Variants in IMPA2 observed in about 807,000 individuals in gnomAD.
IMPA2 encodes the protein IMP 2.
A neutral mutation model predicts 35.1 loss-of-function variants in IMPA2; 32 were observed. The ratio of observed to expected loss-of-function variants is 0.91; its 90% CI spans 0.69 to 1.23. The LOEUF is 1.23. Among genes scored for constraint, IMPA2 ranks in the 50% most tolerant of loss-of-function variants. The probability of loss-of-function intolerance (pLI) is 0.00; values close to 1 mark genes in which losing one functional copy is unlikely to be tolerated. For missense variants in IMPA2, 334 were observed against 387.6 expected, an observed-to-expected ratio of 0.86 and a Z score of 1.16; for synonymous variants, 135 against 160.6, an observed-to-expected ratio of 0.84 and a Z score of 1.20.
intron 7 of IMPA2, among the ~76,000 whole-genome samples, chr18:12,030,123 C>G (rs1908004781): frequency 6.6e-6 from 1 of 152,216 alleles, no homozygotes; most frequent in African/African-American, 2.4e-5. Flanking sequence ...TTCTGTGCAG[C>G]CCTTGACTGC....
intron 5 of IMPA2, among the ~76,000 whole-genome samples, chr18:12,026,836 G>A (rs181148358): frequency 4.6e-5 from 7 of 152,366 alleles, no homozygotes; most frequent in Admixed American, 4.6e-4. Context: ...CAGGGCAGGA[G>A]TGCCCTCATA....
chr18:12,014,152 G>GT (rs1199240068), intron 4 of IMPA2, 113 bp from the exon 5 acceptor site: 7 of 758,276 alleles, frequency 9.2e-6, no homozygotes, highest in South Asian at 7.4e-5. Flanking sequence ...CTGTCACAGT[G>GT]TAATGTGTTA....
chr18:12,024,662 TC>T (rs1355300292), intron 5 of IMPA2, among the ~76,000 whole-genome samples: 1 of 152,036 alleles, frequency 6.6e-6, no homozygotes, highest in East Asian at 1.9e-4. Flanking sequence ...ATGCAAGCCA[TC>T]CCATTTTTTT....
chr18:11,996,913 T>C (rs534351776), intron 1 of IMPA2, among the ~76,000 whole-genome samples: 2 of 143,750 alleles, frequency 1.4e-5, no homozygotes, highest in South Asian at 4.5e-4. Context: ...GAGACACACA[T>C]ACCCTGCATC....
At chr18:12,009,345 C>T (rs1907368163) in intron 2 of IMPA2, among the ~76,000 whole-genome samples, 1 of 152,098 alleles carries the variant, frequency 6.6e-6, no homozygotes, top group African/African-American at 2.4e-5. Context: ...GGGAAATGAA[C>T]CAGCTGCGGG....
Position 12,028,906 on chromosome 18 carries a change from T to C in IMPA2, c.664T>C (p.Tyr222His), listed in dbSNP as rs907129734. 2 of 1,614,122 alleles carry C rather than the reference T, an allele frequency of 1.2e-6. No individual in the cohort carries two copies. Among genetic ancestry groups the C allele is most frequent in the Non-Finnish European group, 1.7e-6 (2 of 1,180,016 alleles). The change falls in exon 7 of 8, where the codon TAT becomes CAT. Residue 222 changes from tyrosine (Y) to histidine (H), a missense_variant. Tyr to His is a moderately conservative substitution (Grantham distance 83). Coordinates refer to ENST00000269159, the MANE Select transcript of IMPA2 (RefSeq NM_014214.3). ...CHLASGAADA[Y>H]YQFGLHCWDL... Reference sequence around the variant, plus strand: ...CCTGGCCTCAGGGGCCGCGGATGCCTATTACCAGTTTGGCCTGCACTGCTG... The same window carrying C: ...CCTGGCCTCAGGGGCCGCGGATGCCCATTACCAGTTTGGCCTGCACTGCTG...
intron 4 of IMPA2, 107 bp downstream of exon 4, chr18:12,012,322 C>A: frequency 1.1e-6 from 1 of 915,254 alleles, no homozygotes; most frequent in South Asian, 1.4e-5. Flanking sequence ...TGCCCTGTGC[C>A]TTAATCATGA....
At chr18:11,997,107 A>G (rs1351773410) in intron 1 of IMPA2, among the ~76,000 whole-genome samples, 1 of 152,190 alleles carries the variant, frequency 6.6e-6, no homozygotes, top group African/African-American at 2.4e-5. Context: ...ACACATCAGG[A>G]ATCACCGTGG....
chr18:11,993,301 A>G (rs1427918176), intron 1 of IMPA2, among the ~76,000 whole-genome samples: 1 of 152,212 alleles, frequency 6.6e-6, no homozygotes, highest in African/African-American at 2.4e-5. Flanking sequence ...AACTGCTGAA[A>G]ACAAGAATTA....
chr18:12,017,863 G>T, intron 5 of IMPA2: 1 of 326,790 alleles, frequency 3.1e-6, no homozygotes, highest in Non-Finnish European at 6.0e-6. Context: ...AAGTGCTGGG[G>T]TTACAGTTGT....
chr18:12,008,645 G>A (rs527378614), intron 2 of IMPA2: 32 of 436,330 alleles, frequency 7.3e-5, no homozygotes, highest in Admixed American at 3.6e-4. Flanking sequence ...GTGGGCCTGC[G>A]TGTGGGTGGG....
intron 4 of IMPA2, 38 bp downstream of exon 4, chr18:12,012,253 G>A: frequency 1.3e-6 from 2 of 1,558,336 alleles, no homozygotes; most frequent in Non-Finnish European, 1.8e-6. Context: ...CCCCTCCCTG[G>A]GCTCCCTCTG....
At chr18:11,990,734 G>A (rs1906789098) in intron 1 of IMPA2, among the ~76,000 whole-genome samples, 1 of 150,644 alleles carries the variant, frequency 6.6e-6, no homozygotes, top group Non-Finnish European at 1.5e-5. Context: ...GCTGGAGAGG[G>A]ATTAGGAAGT....
In IMPA2 at chr18:12,023,747, C is replaced by A. The variant is rs142873220; in HGVS notation, c.491-4296C>A. On this transcript the variant is annotated intron_variant, in intron 5 of 7. Transcript: ENST00000269159. ...CCAGGGTCATTAACACTGGTGCCAG[C>A]AAGTGCCCTGTGTGTTAGGATTTCA... is the stretch of plus-strand genomic sequence containing the variant. 7.2e-3 allele frequency among the ~76,000 whole-genome samples: 1,094 copies of A among 152,290 alleles called. 10 individuals are homozygous for A. The highest frequency in any genetic ancestry group is 0.025 in the African/African-American group (1,020 of 41,564).
chr18:12,017,515 G>A, intron 5 of IMPA2: 1 of 306,642 alleles, frequency 3.3e-6, no homozygotes, highest in Non-Finnish European at 6.3e-6. Context: ...TGCGTTCTGG[G>A]GGGACTTCCT....
chr18:11,982,583 T>C (rs1043202886), intron 1 of IMPA2, among the ~76,000 whole-genome samples: 1 of 151,992 alleles, frequency 6.6e-6, no homozygotes. Context: ...CCACTTGAGG[T>C]CAGGAGTTCG....
rs545605721 is a variant in IMPA2, at chr18:12,014,357, G to C, written c.474G>C (p.Arg158=). 4.4e-6 allele frequency: 7 copies of C among 1,592,170 alleles called. No homozygotes were observed. The highest frequency in any genetic ancestry group is 1.8e-5 in the Admixed American group (1 of 56,042). Reference sequence around the variant, plus strand: ...CCTTCTGCAATGGCCAGCGGCTCCGGGTCTCCGGGGAGACAGGTGGGCTTC... The same window carrying C: ...CCTTCTGCAATGGCCAGCGGCTCCGCGTCTCCGGGGAGACAGGTGGGCTTC... ...RGAFCNGQRL[R]VSGETDLSKA... The change falls in exon 5 of 8, where the codon CGG becomes CGC. Residue 158 remains arginine, a synonymous_variant. Coordinates refer to ENST00000269159, the MANE Select transcript of IMPA2 (RefSeq NM_014214.3).
At chr18:12,015,990 G>A (rs78317940) in intron 5 of IMPA2, among the ~76,000 whole-genome samples, 1,645 of 152,308 alleles carry the variant, frequency 0.011, 34 homozygotes, top group African/African-American at 0.037. Context: ...ACTCCACTAG[G>A]GCAAGGGCTT....
intron 1 of IMPA2, among the ~76,000 whole-genome samples, chr18:11,998,210 A>G (rs1907014073): frequency 6.6e-6 from 1 of 152,184 alleles, no homozygotes; most frequent in Non-Finnish European, 1.5e-5. Flanking sequence ...AGGAGAAGAA[A>G]GGCCTGGGCT....
Sources: allele counts gnomAD v4.1 joint callset (sites outside exome capture counted in the v4.1 genomes callset), GRCh38; gene constraint gnomAD v4.1.1; transcripts MANE v1.5; gene names NCBI Gene and HGNC (gene_info 2026-07-23, HGNC 2026-07-21).